The following CSMD1 variants were observed in gnomAD, a reference collection of about 807,000 sequenced individuals.
CSMD1 encodes the protein CUB and Sushi multiple domains 1.
CSMD1 carries 213 observed loss-of-function variants against 417.5 expected under a neutral mutation model. The ratio of observed to expected loss-of-function variants is 0.51; its 90% CI spans 0.46 to 0.57. The LOEUF is 0.57. Among genes scored for constraint, CSMD1 ranks in the 20% least tolerant of loss-of-function variants. The pLI, the probability that CSMD1 is intolerant of heterozygous loss-of-function variation, is 0.00. For missense variants in CSMD1, 6,923 were observed against 4,529.7 expected, an observed-to-expected ratio of 1.53 and a Z score of -15.17; for synonymous variants, 2,862 against 1,736.8, an observed-to-expected ratio of 1.65 and a Z score of -16.11.
chr8:3,480,756 G>C (rs896378190), intron 11 of CSMD1, among the ~76,000 whole-genome samples: 1 of 152,188 alleles, frequency 6.6e-6, no homozygotes, highest in Non-Finnish European at 1.5e-5. Flanking sequence ...ATGGAGGCCA[G>C]AAGGAAGAAC....
At chr8:3,653,873 G>T (rs1797978549) in intron 7 of CSMD1, among the ~76,000 whole-genome samples, 1 of 152,132 alleles carries the variant, frequency 6.6e-6, no homozygotes, top group South Asian at 2.1e-4. Context: ...AGAAATGACT[G>T]TCTTAATCCT....
chr8:4,584,979 G>C (rs541830991), intron 2 of CSMD1, among the ~76,000 whole-genome samples: 157 of 151,782 alleles, frequency 1.0e-3, no homozygotes, highest in African/African-American at 3.7e-3. Context: ...TGGTCTCTGG[G>C]GAAATCAAAC....
At chr8:4,549,895 TC>T (rs371145494) in intron 2 of CSMD1, among the ~76,000 whole-genome samples, 1,178 of 65,414 alleles carry the variant, frequency 0.018, 7 homozygotes, top group Non-Finnish European at 0.025. Context: ...AGACTTTGTC[TC>T]AAAAAAAAAA....
chr8:4,283,082 A>G (rs1796877598), intron 3 of CSMD1, among the ~76,000 whole-genome samples: 1 of 152,208 alleles, frequency 6.6e-6, no homozygotes, highest in Admixed American at 6.5e-5. Flanking sequence ...TAAGGTCAAC[A>G]TCCTGTTTTT....
intron 3 of CSMD1, among the ~76,000 whole-genome samples, chr8:4,348,331 C>A (rs968633864): frequency 4.6e-5 from 7 of 151,958 alleles, no homozygotes; most frequent in African/African-American, 1.5e-4. Flanking sequence ...TGTGAGGCCA[C>A]AGCAGCGAAG....
chr8:3,139,865 G>C lies in CSMD1; in HGVS notation c.6241+2600C>G, dbSNP rs191871164. ...AGAGAGGTACCTAGAGCATAGGATA[G>C]ATTACCGTTTTTTTTCTTTCTTTTT... On this transcript the variant is annotated intron_variant, in intron 41 of 69. Transcript: ENST00000635120. Among the ~76,000 whole-genome samples the C allele has an allele frequency of 3.2e-4, 49 of 151,398 alleles. 3 individuals are homozygous for C. The East Asian group carries it at 9.0e-3, about 28-fold the overall frequency.
intron 21 of CSMD1, among the ~76,000 whole-genome samples, chr8:3,352,300 A>G (rs761433724): frequency 6.6e-6 from 1 of 152,220 alleles, no homozygotes; most frequent in African/African-American, 2.4e-5. Flanking sequence ...ACCAGGTTGC[A>G]GGGAATGCCC....
intron 10 of CSMD1, among the ~76,000 whole-genome samples, chr8:3,543,585 G>A (rs1383624369): frequency 2.6e-5 from 4 of 151,662 alleles, no homozygotes; most frequent in African/African-American, 2.4e-5. Flanking sequence ...TGTGGGGTAT[G>A]AGAACAAAAG....
At chr8:3,937,455 A>G (rs1278972273) in intron 5 of CSMD1, among the ~76,000 whole-genome samples, 2 of 152,186 alleles carry the variant, frequency 1.3e-5, no homozygotes, top group East Asian at 3.9e-4. Flanking sequence ...CTGATCATCC[A>G]TCAACATTGA....
chr8:4,931,052 G>C (rs1159186518), intron 1 of CSMD1, among the ~76,000 whole-genome samples: 2 of 152,066 alleles, frequency 1.3e-5, no homozygotes, highest in Non-Finnish European at 2.9e-5. Context: ...ACAAATCCTT[G>C]ACTTATCTGT....
intron 47 of CSMD1, among the ~76,000 whole-genome samples, chr8:3,092,594 T>C (rs775726704): frequency 5.5e-4 from 84 of 152,318 alleles, no homozygotes; most frequent in Non-Finnish European, 2.9e-4. Flanking sequence ...GAAATTCATA[T>C]CTAGTTTTTT....
chr8:3,057,780 A>G (rs1812333662), intron 49 of CSMD1, among the ~76,000 whole-genome samples: 1 of 152,184 alleles, frequency 6.6e-6, no homozygotes, highest in Non-Finnish European at 1.5e-5. Flanking sequence ...TGCCCGGACT[A>G]TTGTGATTAT....
intron 1 of CSMD1, among the ~76,000 whole-genome samples, chr8:4,830,516 AATGG>A (rs1177245865): frequency 6.6e-6 from 1 of 152,238 alleles, no homozygotes; most frequent in Non-Finnish European, 1.5e-5. Flanking sequence ...ACTGCCTGAC[AATGG>A]ATTACCAGGA....
intron 3 of CSMD1, among the ~76,000 whole-genome samples, chr8:4,251,949 G>A (rs1803111763): frequency 1.3e-5 from 2 of 151,720 alleles, no homozygotes; most frequent in Admixed American, 6.6e-5. Flanking sequence ...GAGTAGAGGG[G>A]AAGAAAGATG....
intron 1 of CSMD1, among the ~76,000 whole-genome samples, chr8:4,754,110 C>T (rs1164196431): frequency 6.6e-6 from 1 of 152,010 alleles, no homozygotes; most frequent in Non-Finnish European, 1.5e-5. Flanking sequence ...TCGTATGTTA[C>T]ATTAAACATT....
rs1052152826 is a variant in CSMD1, at chr8:4,142,942, T to C, written c.416-110843A>G. ...GTCATATGTTGAAGTATTTGCATCA[T>C]AAACAGAAATACCCAGAAACTATCA... On this transcript the variant is annotated intron_variant, in intron 3 of 69. Coordinates refer to ENST00000635120, the MANE Select transcript of CSMD1 (RefSeq NM_033225.6). 6.7e-5 allele frequency among the ~76,000 whole-genome samples: 10 copies of C among 150,364 alleles called. 1 individual carries two copies. Among genetic ancestry groups the C allele is most frequent in the African/African-American group, 2.0e-4 (8 of 40,080 alleles).
chr8:3,573,755 CAG>C (rs1282589193), intron 10 of CSMD1, among the ~76,000 whole-genome samples: 2 of 152,014 alleles, frequency 1.3e-5, no homozygotes, highest in African/African-American at 4.8e-5. Context: ...CACTTAGACA[CAG>C]AACTGTTAGT....
At chr8:3,441,166 G>A (rs79490790) in intron 12 of CSMD1, among the ~76,000 whole-genome samples, 5,247 of 152,160 alleles carry the variant, frequency 0.034, 298 homozygotes, top group East Asian at 0.2. Context: ...ACTGTAAGCT[G>A]TAAAAGGCTG....
At chr8:4,461,984 G>A (rs771247427) in intron 2 of CSMD1, among the ~76,000 whole-genome samples, 62 of 151,794 alleles carry the variant, frequency 4.1e-4, no homozygotes, top group African/African-American at 1.5e-3. Flanking sequence ...CTCCTGATCC[G>A]CCCACCTCGG....
Sources: gnomAD v4.1 joint callset for allele counts (sites outside exome capture counted in the v4.1 genomes callset) on GRCh38, gnomAD v4.1.1 for gene constraint, MANE v1.5 for transcripts, NCBI Gene and HGNC (gene_info 2026-07-23, HGNC 2026-07-21) for gene names.